Variants in RPTOR observed in about 807,000 individuals in gnomAD.
RPTOR encodes the protein regulatory associated protein of MTOR complex 1.
Under a neutral mutation model 169.9 loss-of-function variants are expected in RPTOR, and 21 were observed. The ratio of observed to expected loss-of-function variants is 0.12; its 90% confidence interval spans 0.09 to 0.18. The LOEUF is 0.18. RPTOR is among the 10% of genes least tolerant of loss of function. The pLI, the probability that RPTOR is intolerant of heterozygous loss-of-function variation, is 1.00. For synonymous variants in RPTOR, 732 were observed against 753.2 expected, an observed-to-expected ratio of 0.97 and a Z score of 0.46; for missense variants, 1,133 against 1,855.9, an observed-to-expected ratio of 0.61 and a Z score of 7.16.
intron 33 of RPTOR, among the ~76,000 whole-genome samples, chr17:80,963,814 G>GCTGTGCGGCCGAGTCCTCACCCTGTCCC (rs779155221): frequency 0.065 from 5,556 of 85,018 alleles, 520 homozygotes; most frequent in African/African-American, 0.16. Context: ...CACCCCGTCC[G>GCTGTGCGGCCGAGTCCTCACCCTGTCCC]CTGTGCGGCC....
intron 12 of RPTOR, among the ~76,000 whole-genome samples, chr17:80,856,971 A>G (rs2067859643): frequency 6.6e-6 from 1 of 152,230 alleles, no homozygotes; most frequent in Non-Finnish European, 1.5e-5. Context: ...GGCCTTTCAC[A>G]GGGAAGGGAC....
chr17:80,960,043 CCGGTCTT>C lies in RPTOR; in HGVS notation c.3478-33_3478-27del, dbSNP rs575540942. On this transcript the variant is annotated intron_variant, in intron 29 of 33. Transcript: ENST00000306801. The surrounding 1 kb of genome is among the most constrained non-coding windows in gnomAD (Gnocchi z 4.8). ...ACAGCAGGGAGGGTGGCTCGGTGCC[CCGGTCTT>C]CACCGGGCTGCCTGTGTTTGGCTCT... is the stretch of plus-strand genomic sequence containing the variant. 1.1e-3 allele frequency: 1,787 copies of C among 1,609,196 alleles called. 26 individuals are homozygous for C. The South Asian group carries it at 0.018, about 16-fold the overall frequency.
Position 80,632,026 on chromosome 17 carries a change from C to G in RPTOR, c.265+6233C>G, listed in dbSNP as rs1370590490. 2.6e-5 allele frequency among the ~76,000 whole-genome samples: 4 copies of G among 152,318 alleles called. No individual in the cohort carries two copies. In the South Asian group the frequency reaches 8.3e-4, roughly 32 times the overall value. Reference sequence around the variant, plus strand: ...TTTCCTGCATTATTTGGCTGTCACACTATGTGAGGGTGTTTTAGGATGACA... The same window carrying G: ...TTTCCTGCATTATTTGGCTGTCACAGTATGTGAGGGTGTTTTAGGATGACA... On this transcript the variant is annotated intron_variant, in intron 2 of 33. Transcript: ENST00000306801.
rs745965386 is a variant in RPTOR, at chr17:80,963,051, G to A, written c.3933G>A (p.Pro1311=). The A allele has an allele frequency of 4.7e-5, 74 of 1,582,844 alleles. No homozygotes were observed. The African/African-American group carries it at 7.7e-4, about 17-fold the overall frequency. The change falls in exon 33 of 34, where the codon CCG becomes CCA. Residue 1311 remains proline, a synonymous_variant. Transcript: ENST00000306801. ...CCATCAGCTGCCTGGCCTTCCACCCGCACTGGGTCAGTGTGGCGGTGGGTG... is the reference window on the plus strand; with the variant it reads ...CCATCAGCTGCCTGGCCTTCCACCCACACTGGGTCAGTGTGGCGGTGGGTG... ...VGAISCLAFH[P]HWPHLAVGSN...
chr17:80,906,849 G>A (rs185340477), intron 20 of RPTOR, among the ~76,000 whole-genome samples: 18 of 152,146 alleles, frequency 1.2e-4, no homozygotes, highest in Admixed American at 7.9e-4. Flanking sequence ...ACTGCAACAC[G>A]CATTCCTCAT....
At chr17:80,794,622 G>T (rs1230291774) in intron 7 of RPTOR, among the ~76,000 whole-genome samples, 1 of 152,232 alleles carries the variant, frequency 6.6e-6, no homozygotes, top group Non-Finnish European at 1.5e-5. Context: ...AATGTTTACG[G>T]TAGCTCTGTT....
At chr17:80,940,024 A>T (rs2069004073) in intron 24 of RPTOR, among the ~76,000 whole-genome samples, 1 of 152,222 alleles carries the variant, frequency 6.6e-6, no homozygotes, top group South Asian at 2.1e-4. Flanking sequence ...TGTAGCAGAC[A>T]CAGGACCCAC....
intron 13 of RPTOR, among the ~76,000 whole-genome samples, chr17:80,858,957 G>A (rs927122927): frequency 3.9e-5 from 6 of 152,222 alleles, no homozygotes; most frequent in Admixed American, 3.9e-4. Context: ...CCTGGCCTCG[G>A]TGTCAAGTGG....
intron 20 of RPTOR, among the ~76,000 whole-genome samples, chr17:80,898,682 C>T (rs1472782842): frequency 3.3e-5 from 4 of 121,492 alleles, no homozygotes; most frequent in Admixed American, 8.1e-5. Flanking sequence ...CCCCACCCCC[C>T]GCCGCCCCGA....
chr17:80,628,029 G>T (rs1432640336), intron 2 of RPTOR, among the ~76,000 whole-genome samples: 3 of 151,910 alleles, frequency 2.0e-5, no homozygotes, highest in African/African-American at 7.3e-5. Context: ...ATAGAGACAG[G>T]ATTTCTCCAT....
At chr17:80,962,252 A>T (rs549787223) in intron 31 of RPTOR, among the ~76,000 whole-genome samples, 1 of 152,336 alleles carries the variant, frequency 6.6e-6, no homozygotes, top group South Asian at 2.1e-4. Context: ...TGTGGGGGAC[A>T]GCCTTGGCCC....
intron 28 of RPTOR, among the ~76,000 whole-genome samples, chr17:80,951,974 C>T (rs564933275): frequency 3.9e-4 from 60 of 152,342 alleles, no homozygotes; most frequent in African/African-American, 1.1e-3. Flanking sequence ...AGGACACAGA[C>T]ACACGTGCAG....
chr17:80,863,258 T>C (rs2067940752), intron 13 of RPTOR, among the ~76,000 whole-genome samples: 1 of 152,132 alleles, frequency 6.6e-6, no homozygotes, highest in African/African-American at 2.4e-5. Context: ...AAGCCGTCTG[T>C]CCAGGATTCT....
chr17:80,900,128 T>C, intron 20 of RPTOR, among the ~76,000 whole-genome samples: 1 of 152,060 alleles, frequency 6.6e-6, no homozygotes, highest in Non-Finnish European at 1.5e-5. Flanking sequence ...GACCGGCGTT[T>C]ACTCAGGTTG....
chr17:80,714,262 T>C (rs1043168089), intron 4 of RPTOR, among the ~76,000 whole-genome samples: 1 of 152,176 alleles, frequency 6.6e-6, no homozygotes, highest in Non-Finnish European at 1.5e-5. Context: ...AACTTTCTTA[T>C]TGAGAAAACT....
intron 13 of RPTOR, among the ~76,000 whole-genome samples, chr17:80,873,620 A>AAG (rs1158173091): frequency 1.3e-5 from 2 of 152,222 alleles, no homozygotes; most frequent in African/African-American, 2.4e-5. Flanking sequence ...GGAGAGGACA[A>AAG]AGGCCCAGCA....
intron 17 of RPTOR, among the ~76,000 whole-genome samples, chr17:80,885,521 A>G (rs1445263924): frequency 3.3e-5 from 5 of 152,116 alleles, no homozygotes; most frequent in African/African-American, 1.2e-4. Context: ...CGACTGAACA[A>G]AACAGTTTTA....
At chr17:80,557,658 C>T (rs2084427402) in intron 1 of RPTOR, among the ~76,000 whole-genome samples, 1 of 152,126 alleles carries the variant, frequency 6.6e-6, no homozygotes, top group Non-Finnish European at 1.5e-5. Context: ...GGCACAGTGG[C>T]TCACGCCTGT....
intron 1 of RPTOR, among the ~76,000 whole-genome samples, chr17:80,547,490 G>A (rs1329569444): frequency 6.6e-6 from 1 of 152,156 alleles, no homozygotes; most frequent in East Asian, 1.9e-4. Flanking sequence ...CTTTTCACAG[G>A]TTGTTAAGAG....
Sources: allele counts gnomAD v4.1 joint callset (sites outside exome capture counted in the v4.1 genomes callset), GRCh38; gene constraint gnomAD v4.1.1; non-coding constraint Gnocchi (gnomAD v3.1); transcripts MANE v1.5; gene names NCBI Gene and HGNC (gene_info 2026-07-23, HGNC 2026-07-21).